The following BZW2 variants were observed in gnomAD, a reference collection of about 807,000 sequenced individuals.
BZW2 encodes the protein basic leucine zipper and W2 domains 2.
A neutral mutation model predicts 53.2 loss-of-function variants in BZW2; 23 were observed. That is an observed-to-expected ratio of 0.43 (90% CI 0.31 to 0.61). The LOEUF (loss-of-function observed/expected upper bound fraction) is 0.61. Ranked by LOEUF, BZW2 falls within the 20% of genes least tolerant of loss-of-function variation. The pLI is 0.09. For missense variants in BZW2, 409 were observed against 503.1 expected (o/e 0.81, Z 1.79); for synonymous variants, 227 against 186.4 (o/e 1.22, Z -1.77).
chr7:16,693,394 A>G (rs577124201), intron 7 of BZW2, among the ~76,000 whole-genome samples: 3 of 152,336 alleles, frequency 2.0e-5, no homozygotes, highest in African/African-American at 7.2e-5. Context: ...ACTACGAGTG[A>G]TATGTTTAAT....
rs1554264390 is a variant in BZW2 at position 16,656,137 on chromosome 7, C to CTATATATATATATATATATATA, written c.-7-9286_-7-9285insTATATATATATATATATATATA. Among the ~76,000 whole-genome samples the CTATATATATATATATATATATA allele has an allele frequency of 6.5e-3, 920 of 141,378 alleles. 8 individuals are homozygous for CTATATATATATATATATATATA. Among genetic ancestry groups the CTATATATATATATATATATATA allele is most frequent in the African/African-American group, 0.025 (845 of 34,412 alleles). 92.7% of individuals were successfully genotyped at this position (141,378 alleles called of 152,430 possible). On this transcript the variant is annotated intron_variant, in intron 1 of 11. Transcript: ENST00000258761. ...TATATGTGTGTATATATATAAATGA[C>CTATATATATATATATATATATA]TATATATATATATACATAAATATTT...
chr7:16,653,109 C>A (rs1160294065), intron 1 of BZW2, among the ~76,000 whole-genome samples: 1 of 151,976 alleles, frequency 6.6e-6, no homozygotes, highest in African/African-American at 2.4e-5. Flanking sequence ...AGGTCCCCTT[C>A]TGGGAGGATG....
intron 3 of BZW2, among the ~76,000 whole-genome samples, chr7:16,680,266 G>A (rs1782900901): frequency 6.6e-6 from 1 of 152,190 alleles, no homozygotes; most frequent in Admixed American, 6.5e-5. Context: ...CCTGAAGAAA[G>A]AACTATGTCC....
At chr7:16,691,875 G>C (rs1020141567) in intron 7 of BZW2, among the ~76,000 whole-genome samples, 2 of 127,932 alleles carry the variant, frequency 1.6e-5, no homozygotes, top group Non-Finnish European at 3.2e-5. Context: ...TTTTTACTAG[G>C]TTCTGTGTGT....
chr7:16,685,574 T>C (rs1376967782), intron 5 of BZW2, among the ~76,000 whole-genome samples: 1 of 152,194 alleles, frequency 6.6e-6, no homozygotes, highest in Non-Finnish European at 1.5e-5. Flanking sequence ...GTCCATCATG[T>C]ATACTTAACT....
At chr7:16,689,126 T>C (rs771449198) in intron 6 of BZW2, among the ~76,000 whole-genome samples, 1 of 152,118 alleles carries the variant, frequency 6.6e-6, no homozygotes, top group Admixed American at 6.5e-5. Flanking sequence ...CTTGGGAGGC[T>C]GAGGCAGGAG....
At position 16,706,189 on chromosome 7, in the gene BZW2, GAA is replaced by G; in HGVS notation, c.*110_*111del. 15 of 1,200,970 alleles carry G rather than the reference GAA, an allele frequency of 1.2e-5. No individual in the cohort carries two copies. The highest frequency in any genetic ancestry group is 2.3e-5 in the Admixed American group (1 of 42,948). 74.4% of individuals were successfully genotyped at this position (1,200,970 alleles called of 1,614,324 possible). ...AAACTTGGCTTCTGTTTTCGCAAAG[GAA>G]AAAAAAAATAGGATAGGCTTCCCTT... On this transcript the variant is annotated 3_prime_UTR_variant, in exon 12 of 12. Transcript: ENST00000258761.
intron 1 of BZW2, among the ~76,000 whole-genome samples, 171 bp from the exon 2 acceptor site, chr7:16,665,266 A>G (rs1782387107): frequency 6.6e-6 from 1 of 151,876 alleles, no homozygotes; most frequent in African/African-American, 2.4e-5. Flanking sequence ...AGATCACACC[A>G]CTGCACTCCC....
At chr7:16,703,482 C>T (rs1287443452) in intron 10 of BZW2, among the ~76,000 whole-genome samples, 1 of 151,760 alleles carries the variant, frequency 6.6e-6, no homozygotes, top group African/African-American at 2.4e-5. Flanking sequence ...TAAATTGTTT[C>T]TGTCATTTTC....
chr7:16,675,650 G>C (rs752037858), intron 3 of BZW2, among the ~76,000 whole-genome samples: 13 of 152,134 alleles, frequency 8.5e-5, no homozygotes, highest in Non-Finnish European at 1.9e-4. Flanking sequence ...TAGTTTTGTT[G>C]TTCTTATTGT....
chr7:16,675,331 T>C (rs796499733), intron 3 of BZW2, among the ~76,000 whole-genome samples: 38 of 152,340 alleles, frequency 2.5e-4, no homozygotes, highest in African/African-American at 9.1e-4. Context: ...GCAAGTGTTT[T>C]AGTTGTTAAA....
intron 2 of BZW2, 26 bp from the exon 3 acceptor site, chr7:16,674,386 T>G (rs1348206830): frequency 6.6e-7 from 1 of 1,506,962 alleles, no homozygotes; most frequent in East Asian, 2.3e-5. Context: ...TTTATTTGAC[T>G]GTTATTTTGA....
At chr7:16,646,738 C>G (rs1476425730) in intron 1 of BZW2, among the ~76,000 whole-genome samples, 2 of 152,210 alleles carry the variant, frequency 1.3e-5, no homozygotes, top group Non-Finnish European at 2.9e-5. Flanking sequence ...TGGTGATCCT[C>G]GCCCTCCCCA....
intron 3 of BZW2, among the ~76,000 whole-genome samples, chr7:16,677,917 C>A (rs919098518): frequency 6.6e-6 from 1 of 152,144 alleles, no homozygotes; most frequent in African/African-American, 2.4e-5. Context: ...TCAAGAAGAA[C>A]ATAGGGCCAA....
In BZW2 at chr7:16,656,063, G is replaced by A. The variant is rs74781566; in HGVS notation, c.-7-9374G>A. The stretch of plus-strand genomic sequence containing the variant: ...TCTTTATACTCCAACTTCTTAGGTT[G>A]TCTCAATAGTCATATATATGTGTGT... On this transcript the variant is annotated intron_variant, in intron 1 of 11. Transcript: ENST00000258761. Among the ~76,000 whole-genome samples, 3,049 of 151,316 alleles carry A rather than the reference G, an allele frequency of 0.02. 277 individuals are homozygous for A. In the East Asian group the frequency reaches 0.3, roughly 15 times the overall value.
intron 5 of BZW2, among the ~76,000 whole-genome samples, chr7:16,683,063 G>C (rs540651339): frequency 6.6e-6 from 1 of 152,100 alleles, no homozygotes. Flanking sequence ...GGGCATGGTG[G>C]CATGCACCTG....
Position 16,696,957 on chromosome 7 carries a change from C to G in BZW2, c.865C>G (p.Pro289Ala). 6.2e-7 allele frequency: 1 copy of G among 1,614,010 alleles called. No homozygotes were observed. The highest frequency in any genetic ancestry group is 8.5e-7 in the Non-Finnish European group (1 of 1,179,968). Residue 289 changes from proline (P) to alanine (A), a missense_variant, in exon 9 of 12, where the codon CCA (proline) becomes GCA (alanine). Transcript: ENST00000258761. Reference sequence around the variant, plus strand: ...AGAAGAAATGAAGAGGAATGATCTTCCAGAAACAGCAGTGATTGGTCTTCT... The same window carrying G: ...AGAAGAAATGAAGAGGAATGATCTTGCAGAAACAGCAGTGATTGGTCTTCT... ...VKEEMKRNDL[P>A]ETAVIGLLWT...
rs544325738 is a variant in BZW2, at chr7:16,655,312, G to C, written c.-8+9024G>C. On this transcript the variant is annotated intron_variant, in intron 1 of 11. Coordinates refer to ENST00000258761, the MANE Select transcript of BZW2 (RefSeq NM_014038.3). ...TAGTTCATAGTTTTTCTTTATTGAAGGAAGAAATTACTTTGATGGGTAAAT... is the reference window on the plus strand; with the variant it reads ...TAGTTCATAGTTTTTCTTTATTGAACGAAGAAATTACTTTGATGGGTAAAT... Among the ~76,000 whole-genome samples the C allele has an allele frequency of 3.3e-5, 5 of 152,226 alleles. No individual in the cohort carries two copies. In the East Asian group the frequency reaches 9.7e-4, roughly 29 times the overall value.
At chr7:16,703,170 A>T (rs1041699389) in intron 10 of BZW2, among the ~76,000 whole-genome samples, 3 of 152,180 alleles carry the variant, frequency 2.0e-5, no homozygotes, top group African/African-American at 7.2e-5. Flanking sequence ...CAAAGAGCTA[A>T]AATAACTAGA....
Sources: gnomAD v4.1 joint callset for allele counts (sites outside exome capture counted in the v4.1 genomes callset) on GRCh38, gnomAD v4.1.1 for gene constraint, MANE v1.5 for transcripts, NCBI Gene and HGNC (gene_info 2026-07-23, HGNC 2026-07-21) for gene names.